INTS15: variants seen among roughly 807,000 people sequenced by gnomAD.
INTS15 encodes integrator complex subunit 15, also known as uncharacterized protein C7orf26.
chr7:6,607,325 C>T, the INTS15 span, among the ~76,000 whole-genome samples: 1 of 151,094 alleles, frequency 6.6e-6, no homozygotes, highest in Non-Finnish European at 1.5e-5. The surrounding 1 kb of genome is among the most constrained non-coding windows in gnomAD (Gnocchi z 6.0). Flanking sequence ...TTGGTGGGAG[C>T]GCGGTGGCGG....
At chr7:6,597,412 A>G in the INTS15 span, among the ~76,000 whole-genome samples, 14 of 151,822 alleles carry the variant, frequency 9.2e-5, no homozygotes, top group Non-Finnish European at 1.8e-4. Context: ...CTCCTGCTTC[A>G]GCCTCCTGAG....
the INTS15 span, among the ~76,000 whole-genome samples, chr7:6,602,985 C>G: frequency 6.6e-6 from 1 of 152,224 alleles, no homozygotes; most frequent in Non-Finnish European, 1.5e-5. Flanking sequence ...TGTGGTGGCT[C>G]ACGCCTGTAA....
At chr7:6,606,491 C>T in the INTS15 span, among the ~76,000 whole-genome samples, 30 of 152,024 alleles carry the variant, frequency 2.0e-4, no homozygotes, top group Non-Finnish European at 2.5e-4. Context: ...TGAGTAGAAC[C>T]CGGCAGGCTG....
chr7:6,607,922 G>T, the INTS15 span: 8 of 1,595,400 alleles, frequency 5.0e-6, no homozygotes, highest in South Asian at 8.8e-5. This position sits in a 1 kb window ranked among gnomAD's most constrained non-coding sequence, Gnocchi z 6.0. Context: ...GGAGTCCCCG[G>T]AGCCCGCCCG....
At chr7:6,590,908 A>T in the INTS15 span, among the ~76,000 whole-genome samples, 1 of 150,314 alleles carries the variant, frequency 6.7e-6, no homozygotes, top group Non-Finnish European at 1.5e-5. Flanking sequence ...GTGCAATCAC[A>T]GCTCACTACA....
the INTS15 span, among the ~76,000 whole-genome samples, chr7:6,600,819 G>C: frequency 5.9e-5 from 9 of 151,970 alleles, no homozygotes; most frequent in Non-Finnish European, 1.3e-4. Context: ...CACCACGCCT[G>C]GCTAATTTTT....
the INTS15 span, chr7:6,608,257 T>G: frequency 6.7e-7 from 1 of 1,491,972 alleles, no homozygotes; most frequent in Non-Finnish European, 8.9e-7. Flanking sequence ...GGGGAAGGGG[T>G]CGGGCAGCCC....
At chr7:6,590,678 T>C in the INTS15 span, among the ~76,000 whole-genome samples, 1 of 152,294 alleles carries the variant, frequency 6.6e-6, no homozygotes, top group Non-Finnish European at 1.5e-5. Flanking sequence ...CTGCGGGGCG[T>C]GTGACAGCCG....
chr7:6,607,659 G>C, the INTS15 span: 2 of 1,498,872 alleles, frequency 1.3e-6, no homozygotes, highest in Non-Finnish European at 1.8e-6. This position sits in a 1 kb window ranked among gnomAD's most constrained non-coding sequence, Gnocchi z 6.0. Context: ...GTGTCCCAGC[G>C]CAGCAGAGAG....
At chr7:6,606,710 T>A in the INTS15 span, among the ~76,000 whole-genome samples, 3 of 150,502 alleles carry the variant, frequency 2.0e-5, no homozygotes, top group Non-Finnish European at 4.4e-5. Context: ...TTTTTTTTTT[T>A]TTCTTTGAGA....
At chr7:6,594,332 A>T in the INTS15 span, 3 of 1,161,632 alleles carry the variant, frequency 2.6e-6, no homozygotes, top group Admixed American at 4.0e-5. Flanking sequence ...TTTGTCTTGG[A>T]AGTGGTTCTG....
chr7:6,597,066 A>G, the INTS15 span, among the ~76,000 whole-genome samples: 1 of 152,208 alleles, frequency 6.6e-6, no homozygotes, highest in Non-Finnish European at 1.5e-5. Context: ...GGCGTGAGCC[A>G]CTGTGCCAGC....
the INTS15 span, among the ~76,000 whole-genome samples, chr7:6,590,773 C>T: frequency 1.3e-5 from 2 of 152,272 alleles, no homozygotes; most frequent in South Asian, 2.1e-4. Flanking sequence ...ATCCTGAACC[C>T]TCCAGGAGGA....
the INTS15 span, among the ~76,000 whole-genome samples, chr7:6,598,785 G>GTGT: frequency 6.9e-5 from 6 of 86,552 alleles, no homozygotes; most frequent in African/African-American, 2.4e-4. Flanking sequence ...GTGTGTGTGT[G>GTGT]TATTTTTTTT....
chr7:6,591,512 C>G, the INTS15 span: 1 of 702,488 alleles, frequency 1.4e-6, no homozygotes, highest in East Asian at 2.7e-5. Context: ...GATTCGCCCA[C>G]CTTGGCCTCC....
At chr7:6,608,167 C>T in the INTS15 span, 1 of 1,480,402 alleles carries the variant, frequency 6.8e-7, no homozygotes, top group East Asian at 2.8e-5. Context: ...GCTAGGCTGG[C>T]CCGTGTGTGC....
the INTS15 span, among the ~76,000 whole-genome samples, chr7:6,600,514 C>T: frequency 6.6e-6 from 1 of 152,090 alleles, no homozygotes; most frequent in South Asian, 2.1e-4. Flanking sequence ...GTGCCCCCTG[C>T]ATTCCACCCT....
At chr7:6,599,891 A>G in the INTS15 span, 1 of 1,614,208 alleles carries the variant, frequency 6.2e-7, no homozygotes, top group Non-Finnish European at 8.5e-7. Flanking sequence ...TGAGGACCCA[A>G]GGTTGATTCT....
At chr7:6,602,521 TG>T in the INTS15 span, 3 of 383,158 alleles carry the variant, frequency 7.8e-6, no homozygotes, top group Non-Finnish European at 1.6e-5. Context: ...TGCCAGCGCT[TG>T]GCCATCAGGC....
Sources: gnomAD v4.1 joint callset for allele counts (sites outside exome capture counted in the v4.1 genomes callset) on GRCh38, gnomAD v4.1.1 for gene constraint, Gnocchi (gnomAD v3.1) non-coding constraint, MANE v1.5 for transcripts, NCBI Gene and HGNC (gene_info 2026-07-23, HGNC 2026-07-21) for gene names.